HIBCH: variants seen among roughly 807,000 people sequenced by gnomAD.
The protein encoded by HIBCH is 3-hydroxyisobutyryl-CoA hydrolase.
A neutral mutation model predicts 58.2 loss-of-function variants in HIBCH; 50 were observed. That is an observed-to-expected ratio of 0.86 (90% CI 0.68 to 1.09). The LOEUF is 1.09. Ranked by LOEUF, HIBCH falls within the 50% of genes least tolerant of loss-of-function variation. The pLI is 0.00. For missense variants in HIBCH, 450 were observed against 449.7 expected (o/e 1.00, Z -0.01); for synonymous variants, 151 against 146.9 (o/e 1.03, Z -0.20).
chr2:190,250,424 C>G (rs1322764608), intron 8 of HIBCH: 1 of 467,004 alleles, frequency 2.1e-6, no homozygotes, highest in African/African-American at 2.0e-5. Flanking sequence ...TCTTTTGTAC[C>G]CACTTCTAAT....
At position 190,314,413 on chromosome 2, in the gene HIBCH, G is replaced by GTA. The variant is rs566737959; in HGVS notation, c.36-3619_36-3618dup. Among the ~76,000 whole-genome samples, 93 of 146,368 alleles carry GTA rather than the reference G, an allele frequency of 6.4e-4. 1 individual carries two copies. The highest frequency in any genetic ancestry group is 8.1e-4 in the African/African-American group (32 of 39,336). ...TATGTATATATATACGTATATATGTGTATATATATATACACACACAACCAA... is the reference window on the plus strand; with the variant it reads ...TATGTATATATATACGTATATATGTGTATATATATATATACACACACAACCAA... On this transcript the variant is annotated intron_variant, in intron 1 of 13. Coordinates refer to ENST00000359678, the MANE Select transcript of HIBCH (RefSeq NM_014362.4).
At chr2:190,222,172 G>A (rs1479389559) in intron 11 of HIBCH, among the ~76,000 whole-genome samples, 5 of 152,100 alleles carry the variant, frequency 3.3e-5, no homozygotes, top group African/African-American at 4.8e-5. Flanking sequence ...TTTTGCTCCC[G>A]TCAGTGCCCA....
At chr2:190,234,855 C>A (rs370979207) in intron 11 of HIBCH, among the ~76,000 whole-genome samples, 2 of 150,950 alleles carry the variant, frequency 1.3e-5, no homozygotes, top group African/African-American at 4.9e-5. Context: ...AAACCTCAAA[C>A]AAAACGTATG....
intron 2 of HIBCH, among the ~76,000 whole-genome samples, chr2:190,300,454 G>A (rs189045255): frequency 3.6e-4 from 54 of 151,630 alleles, no homozygotes; most frequent in Non-Finnish European, 6.2e-4. Context: ...GTGGTTGGCT[G>A]CATGTCTATC....
chr2:190,240,512 T>C (rs979369238), intron 11 of HIBCH, among the ~76,000 whole-genome samples: 5 of 152,218 alleles, frequency 3.3e-5, no homozygotes, highest in African/African-American at 4.8e-5. Flanking sequence ...GCTTTGTTAT[T>C]TCCTGTCTTC....
At chr2:190,309,459 T>C (rs367752154) in intron 2 of HIBCH, among the ~76,000 whole-genome samples, 4 of 152,208 alleles carry the variant, frequency 2.6e-5, no homozygotes, top group African/African-American at 9.7e-5. Context: ...ATTTCTTCCT[T>C]ATAATCTGAT....
At chr2:190,292,792 G>C (rs1687991583) in intron 4 of HIBCH, among the ~76,000 whole-genome samples, 1 of 152,172 alleles carries the variant, frequency 6.6e-6, no homozygotes, top group Non-Finnish European at 1.5e-5. Flanking sequence ...ATCGCCTTTG[G>C]AATGAAGCTC....
At chr2:190,218,265 T>C (rs1418237950) in intron 11 of HIBCH, among the ~76,000 whole-genome samples, 2 of 152,130 alleles carry the variant, frequency 1.3e-5, no homozygotes, top group Admixed American at 6.5e-5. Flanking sequence ...CCACACCATA[T>C]CAAGGCCAGC....
chr2:190,279,467 T>A lies in HIBCH; in HGVS notation c.438+8119A>T, dbSNP rs1361360755. Among the ~76,000 whole-genome samples the A allele has an allele frequency of 6.6e-6, 1 of 152,190 alleles. No individual in the cohort carries two copies. Among genetic ancestry groups the A allele is most frequent in the African/African-American group, 2.4e-5 (1 of 41,456 alleles). On this transcript the variant is annotated intron_variant, in intron 6 of 13. Coordinates refer to ENST00000359678, the MANE Select transcript of HIBCH (RefSeq NM_014362.4). This position sits in a 1 kb window ranked among gnomAD's most constrained non-coding sequence, Gnocchi z 4.2. ...AGTCCAGAGTCCCATCTGTGAAGCC[T>A]GTGTAATCAAAACAAGTTATCTACT...
intron 6 of HIBCH, among the ~76,000 whole-genome samples, chr2:190,276,145 C>T (rs982940308): frequency 2.6e-5 from 4 of 151,684 alleles, no homozygotes; most frequent in Non-Finnish European, 5.9e-5. Flanking sequence ...CAAAGGTTGG[C>T]AACAATTCTT....
intron 5 of HIBCH, among the ~76,000 whole-genome samples, chr2:190,289,818 A>G (rs1190615375): frequency 2.0e-5 from 3 of 152,194 alleles, no homozygotes; most frequent in African/African-American, 7.2e-5. Flanking sequence ...TTCATAGAGA[A>G]AACTGGAACC....
intron 4 of HIBCH, among the ~76,000 whole-genome samples, chr2:190,291,395 G>T (rs182090184): frequency 1.3e-5 from 2 of 152,252 alleles, no homozygotes; most frequent in South Asian, 2.1e-4. Context: ...AGGCTTCCTA[G>T]AAGAGGTAAC....
chr2:190,213,113 G>C (rs1410928187), intron 11 of HIBCH, 38 bp from the exon 12 acceptor site: 1 of 1,476,182 alleles, frequency 6.8e-7, no homozygotes, highest in Non-Finnish European at 9.5e-7. Flanking sequence ...TAGTCCAATA[G>C]TTCCTTTATT....
In HIBCH at chr2:190,279,682, T is replaced by C. The variant is rs1340133387; in HGVS notation, c.438+7904A>G. 1 of 154,056 alleles carries C rather than the reference T, an allele frequency of 6.5e-6. No individual in the cohort carries two copies. Among genetic ancestry groups the C allele is most frequent in the Non-Finnish European group, 1.4e-5 (1 of 69,542 alleles). 9.5% of individuals were successfully genotyped at this position (154,056 alleles called of 1,614,324 possible). ...CTGCTAGCCTTAATAAAGAAATCAA[T>C]GTACTTCGTGTTCTTAGCTCCCACA... On this transcript the variant is annotated intron_variant, in intron 6 of 13. Transcript: ENST00000359678. This position sits in a 1 kb window ranked among gnomAD's most constrained non-coding sequence, Gnocchi z 4.2.
At chr2:190,265,976 T>C (rs996465567) in intron 6 of HIBCH, among the ~76,000 whole-genome samples, 2 of 152,200 alleles carry the variant, frequency 1.3e-5, no homozygotes, top group African/African-American at 4.8e-5. Flanking sequence ...ATTTACTGTT[T>C]ACTGATTTTA....
At chr2:190,208,835 C>T in intron 13 of HIBCH, 45 bp downstream of exon 13, 1 of 1,573,112 alleles carries the variant, frequency 6.4e-7, no homozygotes, top group East Asian at 2.2e-5. Context: ...CATATGCTCA[C>T]AAATCCCATT....
Position 190,265,544 on chromosome 2 carries a change from T to C in HIBCH, c.439-4310A>G, listed in dbSNP as rs114176030. Among the ~76,000 whole-genome samples the C allele has an allele frequency of 9.0e-3, 1,366 of 152,168 alleles. 18 individuals are homozygous for C. The highest frequency in any genetic ancestry group is 0.031 in the African/African-American group (1,296 of 41,490). On this transcript the variant is annotated intron_variant, in intron 6 of 13. Transcript: ENST00000359678. The stretch of plus-strand genomic sequence containing the variant: ...CCTTATCAGCTGTATACCAAATATG[T>C]TTTCAGTCTGTGGCTTGCCTTTTCA...
At chr2:190,297,303 G>C (rs954748901) in intron 2 of HIBCH, among the ~76,000 whole-genome samples, 2 of 152,206 alleles carry the variant, frequency 1.3e-5, no homozygotes, top group African/African-American at 4.8e-5. Context: ...AGATGAATAA[G>C]AGAGGGCAAA....
intron 11 of HIBCH, among the ~76,000 whole-genome samples, chr2:190,230,595 T>G (rs923847552): frequency 3.9e-5 from 6 of 152,158 alleles, no homozygotes; most frequent in African/African-American, 1.4e-4. Flanking sequence ...CTAGGGAGGC[T>G]GAGGCAGAAG....
Sources: allele counts gnomAD v4.1 joint callset (sites outside exome capture counted in the v4.1 genomes callset), GRCh38; gene constraint gnomAD v4.1.1; non-coding constraint Gnocchi (gnomAD v3.1); transcripts MANE v1.5; gene names NCBI Gene and HGNC (gene_info 2026-07-23, HGNC 2026-07-21).